The following MUC12 variants were observed in gnomAD, a reference collection of about 807,000 sequenced individuals.
The protein encoded by MUC12 is mucin-12.
A neutral mutation model predicts 230.8 loss-of-function variants in MUC12; 172 were observed. The ratio of observed to expected loss-of-function variants is 0.75; its 90% CI spans 0.66 to 0.85. The LOEUF is 0.85. Among genes scored for constraint, MUC12 ranks in the 40% least tolerant of loss-of-function variants. The probability of loss-of-function intolerance (pLI) is 0.00; values close to 1 mark genes in which losing one functional copy is unlikely to be tolerated. For missense variants in MUC12, 3,506 were observed against 5,920.6 expected, an observed-to-expected ratio of 0.59 and a Z score of 13.38; for synonymous variants, 1,259 against 2,401.9, an observed-to-expected ratio of 0.52 and a Z score of 13.91.
At chr7:100,979,139 A>G (rs1793069701) in intron 1 of MUC12, among the ~76,000 whole-genome samples, 1 of 152,146 alleles carries the variant, frequency 6.6e-6, no homozygotes, top group African/African-American at 2.4e-5. Flanking sequence ...ATCCAAATAC[A>G]TGTGGAATGT....
At chr7:100,976,465 A>T (rs1277816682) in intron 1 of MUC12, among the ~76,000 whole-genome samples, 1 of 149,278 alleles carries the variant, frequency 6.7e-6, no homozygotes, top group Non-Finnish European at 1.5e-5. Context: ...TTAGCCGGGC[A>T]TGGTGGTGTG....
intron 11 of MUC12, 99 bp downstream of exon 11, chr7:101,017,762 T>TCTCCCCCTGGGACTCCCTC: frequency 4.2e-6 from 3 of 713,174 alleles, no homozygotes; most frequent in Admixed American, 3.2e-5. Flanking sequence ...GGGACTCCCT[T>TCTCCCCCTGGGACTCCCTC]CTCCCCCTGG....
In MUC12 at chr7:100,992,517, T is replaced by A. The variant is rs1271656704; in HGVS notation, c.1954T>A (p.Ser652Thr). 8 of 1,537,796 alleles carry A rather than the reference T, an allele frequency of 5.2e-6. No individual in the cohort carries two copies. The Admixed American group carries it at 9.8e-5, about 19-fold the overall frequency. The change falls in exon 2 of 12, where the codon TCA becomes ACA. Residue 652 changes from serine to threonine, a missense_variant. Transcript: ENST00000536621. Reference protein sequence around the residue: ...DTRPAPPTTTSAFVEPSTTSH... With the variant: ...DTRPAPPTTTTAFVEPSTTSH... Reference sequence around the variant, plus strand: ...TAGGCCTGCACCTCCTACTACCACATCAGCCTTTGTTGAGCCATCTACAAC... The same window carrying A: ...TAGGCCTGCACCTCCTACTACCACAACAGCCTTTGTTGAGCCATCTACAAC...
At chr7:100,971,547 A>T (rs6960151) in intron 1 of MUC12, among the ~76,000 whole-genome samples, 19,702 of 142,026 alleles carry the variant, frequency 0.14, 6 homozygotes, top group Non-Finnish European at 0.19. Flanking sequence ...GCCTTGACAG[A>T]TGAGACCTCC....
At position 100,990,743 on chromosome 7, in the gene MUC12, G is replaced by T; in HGVS notation, c.180G>T (p.Thr60=). ...SDYGVSVTFI[T]GSTATKHFLD... is the part of the protein sequence containing the mutation. ...ATGGGGTGTCAGTCACATTTATCAC[G>T]GGCTCAACTGCAACAAAACACTTCC... The change falls in exon 2 of 12, where the codon ACG becomes ACT. Residue 60 remains threonine, a synonymous_variant. Coordinates refer to ENST00000536621, the MANE Select transcript of MUC12 (RefSeq NM_001164462.2). 4 of 1,537,734 alleles carry T rather than the reference G, an allele frequency of 2.6e-6. No homozygotes were observed. Among genetic ancestry groups the T allele is most frequent in the Non-Finnish European group, 3.5e-6 (4 of 1,147,028 alleles).
intron 2 of MUC12, among the ~76,000 whole-genome samples, chr7:101,005,851 G>C (rs4729637): frequency 0.12 from 18,843 of 151,146 alleles, 1,677 homozygotes; most frequent in Admixed American, 0.29. Flanking sequence ...AGGCTGGGGT[G>C]CAATGACATG....
chr7:101,010,417 G>C (rs1793823593), intron 5 of MUC12, among the ~76,000 whole-genome samples: 1 of 152,116 alleles, frequency 6.6e-6, no homozygotes, highest in Non-Finnish European at 1.5e-5. Context: ...GCTCACTGCA[G>C]GCTCAACCTC....
rs1212920168 is a variant in MUC12 at position 101,004,409 on chromosome 7, C to T, written c.13846C>T (p.His4616Tyr). ...CAGCCCGGGCTCAACTCAAACAATG[C>T]ACTTCCCTGAAAGCTCCACAGCTTC... ...HSSPGSTQTMHFPESSTASGR... is the reference protein window; with the variant it reads ...HSSPGSTQTMYFPESSTASGR... The change falls in exon 2 of 12, where the codon CAC (histidine) becomes TAC (tyrosine). Residue 4616 changes from histidine (H) to tyrosine (Y), a missense_variant. Transcript: ENST00000536621. 1.5e-5 allele frequency: 23 copies of T among 1,508,926 alleles called. No homozygotes were observed. The highest frequency in any genetic ancestry group is 1.9e-5 in the Non-Finnish European group (22 of 1,136,830). 93.5% of individuals were successfully genotyped at this position (1,508,926 alleles called of 1,614,324 possible). A position where few individuals can be genotyped will look rare whatever the true frequency, so the allele number is the denominator to read the frequency against.
intron 1 of MUC12, among the ~76,000 whole-genome samples, chr7:100,984,885 G>A (rs1046512676): frequency 5.9e-5 from 9 of 151,976 alleles, no homozygotes; most frequent in African/African-American, 2.2e-4. Context: ...ATTTTTTTGG[G>A]ATGGAGTCTC....
At chr7:101,012,522 T>C in intron 6 of MUC12, 75 bp downstream of exon 6, 1 of 1,427,736 alleles carries the variant, frequency 7.0e-7, no homozygotes, top group East Asian at 2.5e-5. Context: ...CTCCTCTACG[T>C]CTTCTTTCTT....
chr7:101,018,530 C>T (rs939821803), intron 11 of MUC12, 65 bp from the exon 12 acceptor site: 1 of 1,437,344 alleles, frequency 7.0e-7, no homozygotes, highest in Non-Finnish European at 9.3e-7. Context: ...GCTCCCTCTT[C>T]CTCCTGGGGC....
intron 1 of MUC12, among the ~76,000 whole-genome samples, chr7:100,985,201 G>C (rs1389834643): frequency 6.6e-6 from 1 of 152,126 alleles, no homozygotes; most frequent in African/African-American, 2.4e-5. Flanking sequence ...TGGGTTGGGG[G>C]AGCCAGTGAG....
At chr7:100,990,568 C>T (rs189325082) in intron 1 of MUC12, 63 bp from the exon 2 acceptor site, 4 of 1,523,818 alleles carry the variant, frequency 2.6e-6, no homozygotes, top group East Asian at 2.5e-5. Context: ...GAATTGACTG[C>T]CACCAAACAT....
intron 1 of MUC12, among the ~76,000 whole-genome samples, chr7:100,982,916 G>C (rs573877466): frequency 2.2e-4 from 33 of 151,722 alleles, no homozygotes; most frequent in African/African-American, 7.2e-4. Context: ...AAATTTTTTT[G>C]TAAAGACAGG....
rs1481614592 is a variant in MUC12 at position 101,005,065 on chromosome 7, A to G, written c.14502A>G (p.Ser4834=). Residue 4834 remains serine (S), a synonymous_variant, in exon 2 of 12, where the codon TCA becomes TCG. Coordinates refer to ENST00000536621, the MANE Select transcript of MUC12 (RefSeq NM_001164462.2). The part of the protein sequence containing the change: ...TPHSQPGSAL[S]TVSPASTTVP... Reference sequence around the variant, plus strand: ...ATAGCCAACCAGGCTCAGCTCTGTCAACAGTGTCACCTGCCAGCACCACAG... The same window carrying G: ...ATAGCCAACCAGGCTCAGCTCTGTCGACAGTGTCACCTGCCAGCACCACAG... The G allele has an allele frequency of 6.5e-7, 1 of 1,537,878 alleles. No homozygotes were observed. The highest frequency in any genetic ancestry group is 1.4e-5 in the African/African-American group (1 of 73,150).
In MUC12 at chr7:101,012,826, A is replaced by T. The variant is rs370527644; in HGVS notation, c.15411A>T (p.Ile5137=). 5 of 1,537,102 alleles carry T rather than the reference A, an allele frequency of 3.3e-6. No individual in the cohort carries two copies. The African/African-American group carries it at 6.8e-5, about 21-fold the overall frequency. ...CCCATCCACTCTCGGCAGAGGCCAT[A>T]CTGTGCTATAGTGAAGAGGACACTT... ...LLDPDSCRKA[I]LCYSEEDTFV... Residue 5137 remains isoleucine, a synonymous_variant, in exon 7 of 12, where the codon ATA becomes ATT. Transcript: ENST00000536621.
intron 10 of MUC12, chr7:101,017,356 TC>T: frequency 1.9e-6 from 1 of 531,446 alleles, no homozygotes. Context: ...GGGCTTCTGC[TC>T]CGCTCCCTCC....
rs141573081 is a variant in MUC12, at chr7:101,013,967, C to A, written c.15693C>A (p.Ile5231=). Residue 5231 remains isoleucine, a synonymous_variant, in exon 9 of 12, where the codon ATC becomes ATA. Transcript: ENST00000536621. The part of the protein sequence containing the change: ...WYWGETCEFN[I]AKSLVYGIVG... ...GGGGAGAGACCTGTGAATTCAACAT[C>A]GCCAAGAGCCTCGTGTATGGGATCG... 5.9e-6 allele frequency: 9 copies of A among 1,536,490 alleles called. No homozygotes were observed. The South Asian group carries it at 1.1e-4, about 18-fold the overall frequency.
In MUC12 at chr7:101,005,463, G is replaced by A. The variant is rs1451772405; in HGVS notation, c.14900G>A (p.Ser4967Asn). Reference sequence around the variant, plus strand: ...GAGGAATCTACCACCTTCCACACCAGTCCAAGCTTCACTTCTACAATTGTG... The same window carrying A: ...GAGGAATCTACCACCTTCCACACCAATCCAAGCTTCACTTCTACAATTGTG... ...LTEESTTFHT[S>N]PSFTSTIVST... is the part of the protein sequence containing the mutation. Residue 4967 changes from serine to asparagine, a missense_variant, in exon 2 of 12, where the codon AGT becomes AAT. Transcript: ENST00000536621. 1 of 1,537,784 alleles carries A rather than the reference G, an allele frequency of 6.5e-7. No individual in the cohort carries two copies. The highest frequency in any genetic ancestry group is 2.0e-5 in the Admixed American group (1 of 51,000).
Sources: allele counts gnomAD v4.1 joint callset (sites outside exome capture counted in the v4.1 genomes callset), GRCh38; gene constraint gnomAD v4.1.1; transcripts MANE v1.5; gene names NCBI Gene and HGNC (gene_info 2026-07-23, HGNC 2026-07-21).